The following ECT2 variants were observed in gnomAD, a reference collection of about 807,000 sequenced individuals.
The protein encoded by ECT2 is epithelial cell transforming 2, also known as protein ECT2.
ECT2 carries 61 observed loss-of-function variants against 116.9 expected under a neutral mutation model. The observed-to-expected ratio is 0.52, with a 90% CI of 0.42 to 0.65. The LOEUF (loss-of-function observed/expected upper bound fraction) is 0.65, where lower values mean the gene tolerates loss of function less well. Among genes scored for constraint, ECT2 ranks in the 30% least tolerant of loss-of-function variants. ECT2 has a pLI of 0.00. For synonymous variants in ECT2, 358 were observed against 346.4 expected (o/e 1.03, Z -0.37); for missense variants, 937 against 1,078.7 (o/e 0.87, Z 1.84).
At chr3:172,762,314 A>G (rs916391075) in intron 8 of ECT2, 102 bp from the exon 9 acceptor site, 4 of 1,240,096 alleles carry the variant, frequency 3.2e-6, no homozygotes, top group Admixed American at 2.6e-5. Flanking sequence ...CAATAGATAG[A>G]TTATGCCAAG....
At chr3:172,772,343 C>T (rs569791975) in intron 13 of ECT2, among the ~76,000 whole-genome samples, 2 of 152,142 alleles carry the variant, frequency 1.3e-5, no homozygotes, top group Non-Finnish European at 2.9e-5. Context: ...CAGGCACCCG[C>T]CACCACGCCT....
rs368075852 is a variant in ECT2 at position 172,783,430 on chromosome 3, G to A, written c.1618-369G>A. 2.7e-3 allele frequency among the ~76,000 whole-genome samples: 408 copies of A among 151,954 alleles called. 2 individuals carry two copies. The highest frequency in any genetic ancestry group is 9.2e-3 in the African/African-American group (381 of 41,454). The stretch of plus-strand genomic sequence containing the variant: ...GTAATTTAACTGATCTTTTAATGGC[G>A]GTTTGGATTTTTGAATAAATACCAT... On this transcript the variant is annotated intron_variant, in intron 15 of 24. Transcript: ENST00000392692.
rs1050674508 is a variant in ECT2 at position 172,764,159 on chromosome 3, G to A, written c.1069-119G>A. ...TTTGAATTGCCTGGTAGAGTGTAGG[G>A]TTATAAAATTATTGTGCAAAATCCA... On this transcript the variant is annotated intron_variant, in intron 11 of 24. Transcript: ENST00000392692. The A allele has an allele frequency of 1.4e-5, 12 of 842,562 alleles. No individual in the cohort carries two copies. In the South Asian group the frequency reaches 1.9e-4, roughly 13 times the overall value. 52.2% of individuals were successfully genotyped at this position (842,562 alleles called of 1,614,324 possible).
chr3:172,786,004 T>G (rs1197528977), intron 17 of ECT2, among the ~76,000 whole-genome samples: 2 of 152,214 alleles, frequency 1.3e-5, no homozygotes, highest in Non-Finnish European at 2.9e-5. Context: ...TTGATAAGAA[T>G]ATGCCAAGGA....
intron 18 of ECT2, among the ~76,000 whole-genome samples, chr3:172,792,676 A>G (rs540579690): frequency 1.3e-5 from 2 of 152,152 alleles, no homozygotes; most frequent in Non-Finnish European, 2.9e-5. Context: ...CTCTTGAATA[A>G]ATTCCTAGGA....
Position 172,789,364 on chromosome 3 carries a change from T to G in ECT2, c.1907+2790T>G, listed in dbSNP as rs1205017333. 6.6e-5 allele frequency among the ~76,000 whole-genome samples: 10 copies of G among 152,096 alleles called. No individual in the cohort carries two copies. In the East Asian group the frequency reaches 1.9e-3, roughly 29 times the overall value. On this transcript the variant is annotated intron_variant, in intron 18 of 24. Coordinates refer to ENST00000392692, the MANE Select transcript of ECT2 (RefSeq NM_001258315.2). ...GATTACAGATGTGCACCACCACACC[T>G]GGCTAACTTTTATATTTTCTGTAGA...
chr3:172,825,078 GTC>G (rs1447803938), downstream of ECT2, among the ~76,000 whole-genome samples: 24 of 152,098 alleles, frequency 1.6e-4, no homozygotes, highest in Admixed American at 1.6e-3. Flanking sequence ...GACCTCATGT[GTC>G]TGTGTCACAT....
At chr3:172,791,400 A>G (rs1431393772) in intron 18 of ECT2, among the ~76,000 whole-genome samples, 1 of 152,192 alleles carries the variant, frequency 6.6e-6, no homozygotes, top group Non-Finnish European at 1.5e-5. Context: ...AGTCCTAGAA[A>G]GCACCTTCTT....
intron 16 of ECT2, 57 bp downstream of exon 16, chr3:172,783,966 A>T: frequency 2.6e-6 from 3 of 1,169,322 alleles, no homozygotes; most frequent in Non-Finnish European, 3.7e-6. Context: ...GTAATTCACC[A>T]CAATTATGAC....
chr3:172,815,452 A>G, intron 22 of ECT2, 152 bp from the exon 23 acceptor site: 3 of 539,484 alleles, frequency 5.6e-6, no homozygotes, highest in Non-Finnish European at 9.9e-6. Context: ...TCCTTAAGTC[A>G]GTACATTTCA....
At chr3:172,813,697 TTCC>T (rs1729169601) in intron 22 of ECT2, among the ~76,000 whole-genome samples, 1 of 152,052 alleles carries the variant, frequency 6.6e-6, no homozygotes, top group Non-Finnish European at 1.5e-5. Context: ...CTTTTTCATC[TTCC>T]TAAACTGGAA....
chr3:172,762,953 CTA>C lies in ECT2; in HGVS notation c.1051_1052del (p.Met351ValfsTer4). 6.2e-7 allele frequency: 1 copy of C among 1,613,784 alleles called. No homozygotes were observed. The highest frequency in any genetic ancestry group is 8.5e-7 in the Non-Finnish European group (1 of 1,179,810). ...CAAATGGATGCCCGAGCTGGAGAAA[CTA>C]TGTATTTATATGAAAAGGTATGCTT... On this transcript the variant is annotated frameshift_variant, in exon 11 of 25. Transcript: ENST00000392692. LOFTEE classifies it high-confidence loss of function.
intron 14 of ECT2, among the ~76,000 whole-genome samples, chr3:172,779,651 A>G (rs1722339284): frequency 6.6e-6 from 1 of 152,220 alleles, no homozygotes; most frequent in African/African-American, 2.4e-5. Flanking sequence ...CCTGCCTGTA[A>G]TCCCAGCACT....
intron 19 of ECT2, 53 bp from the exon 20 acceptor site, chr3:172,802,808 A>G: frequency 1.9e-6 from 3 of 1,566,582 alleles, no homozygotes; most frequent in Admixed American, 3.9e-5. Flanking sequence ...ACAACTTCTT[A>G]AAAATTACTT....
At chr3:172,756,834 G>A (rs995366615) in intron 4 of ECT2, 149 bp from the exon 5 acceptor site, 1 of 640,726 alleles carries the variant, frequency 1.6e-6, no homozygotes, top group Admixed American at 3.7e-5. Flanking sequence ...TAAGTGTAAT[G>A]CTGATTATTG....
At chr3:172,752,966 C>T (rs112160302) in intron 1 of ECT2, among the ~76,000 whole-genome samples, 1,569 of 152,222 alleles carry the variant, frequency 0.01, 34 homozygotes, top group African/African-American at 0.035. Context: ...TTTTATTAAT[C>T]TGAAGAAGTA....
chr3:172,815,549 T>C (rs1729530317), intron 22 of ECT2, 55 bp from the exon 23 acceptor site: 2 of 1,181,868 alleles, frequency 1.7e-6, no homozygotes, highest in Non-Finnish European at 2.4e-6. Flanking sequence ...AAAAGTTTGA[T>C]TTTTAGAAAC....
chr3:172,784,904 C>A, intron 17 of ECT2, 101 bp downstream of exon 17: 2 of 750,858 alleles, frequency 2.7e-6, no homozygotes, highest in Non-Finnish European at 4.2e-6. Flanking sequence ...TCTTAGATTT[C>A]AGCATTAAAG....
At chr3:172,818,488 G>T in intron 24 of ECT2, 3 of 1,078,682 alleles carry the variant, frequency 2.8e-6, no homozygotes, top group Non-Finnish European at 3.4e-6. Context: ...GTAAGAAGCA[G>T]CTAAAATACC....
Sources: allele counts gnomAD v4.1 joint callset (sites outside exome capture counted in the v4.1 genomes callset), GRCh38; gene constraint gnomAD v4.1.1; transcripts MANE v1.5; gene names NCBI Gene and HGNC (gene_info 2026-07-23, HGNC 2026-07-21).